Variants in LMNTD2 observed in about 807,000 individuals in gnomAD.
LMNTD2 encodes the protein lamin tail domain containing 2, also known as lamin tail domain-containing protein 2.
A neutral mutation model predicts 70.1 loss-of-function variants in LMNTD2; 83 were observed. The observed-to-expected ratio is 1.18, with a 90% confidence interval of 0.99 to 1.42. The LOEUF is 1.42. LMNTD2 is among the 40% of genes most tolerant of loss of function. LMNTD2 has a pLI of 0.00. For missense variants in LMNTD2, 1,153 were observed against 905.9 expected, an observed-to-expected ratio of 1.27 and a Z score of -3.50; for synonymous variants, 534 against 406.1, an observed-to-expected ratio of 1.31 and a Z score of -3.79.
rs773290029 is a variant in LMNTD2 at position 555,410 on chromosome 11, C to T, written c.1668G>A (p.Pro556=). Residue 556 remains proline (P), a synonymous_variant, in exon 13 of 14, where the codon CCG becomes CCA. Coordinates refer to ENST00000329451, the MANE Select transcript of LMNTD2 (RefSeq NM_173573.3). The part of the protein sequence containing the change: ...ARPENPEIPA[P]QHLPAIPGDP... ...CACCCGGGATGGCGGGCAGGTGCTG[C>T]GGCGCGGGGATCTCGGGGTTCTCGG... 1.4e-6 allele frequency: 2 copies of T among 1,393,264 alleles called. No individual in the cohort carries two copies. Among genetic ancestry groups the T allele is most frequent in the African/African-American group, 1.5e-5 (1 of 65,962 alleles). 86.3% of individuals were successfully genotyped at this position (1,393,264 alleles called of 1,614,324 possible). A position where few individuals can be genotyped will look rare whatever the true frequency, so the allele number is the denominator to read the frequency against.
At position 555,919 on chromosome 11, in the gene LMNTD2, C is replaced by T; in HGVS notation, c.1389G>A (p.Glu463=). ...GAGTCTCGCGGCGTGGGATCCGGTG[C>T]TCACTGAGGACCTGCGGGGCGCGTC... ...LLSPKGEVLS[E]HRIPRRETPA... The change falls in exon 12 of 14, where the codon GAG becomes GAA. Residue 463 remains glutamate (E), a synonymous_variant. Coordinates refer to ENST00000329451, the MANE Select transcript of LMNTD2 (RefSeq NM_173573.3). 1 of 1,564,134 alleles carries T rather than the reference C, an allele frequency of 6.4e-7. No homozygotes were observed. Among genetic ancestry groups the T allele is most frequent in the Non-Finnish European group, 8.6e-7 (1 of 1,161,356 alleles).
chr11:558,988 G>A lies in LMNTD2; in HGVS notation c.35-9C>T, dbSNP rs1853088329. ...ACTGACCGACTCTTGCTCTGTGGGG[G>A]ACAGGAGAGCCTCTTCCTCGGTTTC... On this transcript the variant is annotated splice_polypyrimidine_tract_variant and intron_variant, in intron 1 of 13. Transcript: ENST00000329451. 1 of 1,598,074 alleles carries A rather than the reference G, an allele frequency of 6.3e-7. No homozygotes were observed. The highest frequency in any genetic ancestry group is 1.7e-5 in the Admixed American group (1 of 59,888).
intron 5 of LMNTD2, 77 bp downstream of exon 5, chr11:557,807 C>T (rs1192947205): frequency 1.3e-6 from 2 of 1,512,280 alleles, no homozygotes; most frequent in Non-Finnish European, 1.8e-6. Context: ...CCAGGGCGCC[C>T]CAGCAGAGGC....
chr11:557,831 GGGAGGGCTGGGGAGGGCAGCCTGGGGCA>G (rs1852997343), intron 5 of LMNTD2, 25 bp downstream of exon 5: 1 of 1,513,834 alleles, frequency 6.6e-7, no homozygotes, highest in Non-Finnish European at 8.9e-7. Context: ...CGACGAGATG[GGGAGGGCTGGGGAGGGCAGCCTGGGGCA>G]GGAGGGCTTG....
At chr11:560,386 G>C in intron 1 of LMNTD2, 1 of 1,209,746 alleles carries the variant, frequency 8.3e-7, no homozygotes, top group African/African-American at 1.6e-5. Context: ...TAGAGTCCGG[G>C]CCTTCTGAGC....
rs370623687 is a variant in LMNTD2, at chr11:556,969, G to A, written c.842C>T (p.Ala281Val). The change falls in exon 8 of 14, where the codon GCT becomes GTT. Residue 281 changes from alanine to valine, a missense_variant. Ala to Val is a moderately conservative substitution (Grantham distance 64). Coordinates refer to ENST00000329451, the MANE Select transcript of LMNTD2 (RefSeq NM_173573.3). ...PCLNTSSSGG[A>V]DSDSSSCRPG... ...CCGGCAGCTGCTGGAGTCGGAGTCA[G>A]CGCCCCCTGAGCTGCTGGTGTTCAG... is the stretch of plus-strand genomic sequence containing the variant. 44 of 1,605,826 alleles carry A rather than the reference G, an allele frequency of 2.7e-5. No homozygotes were observed. The highest frequency in any genetic ancestry group is 3.4e-5 in the Non-Finnish European group (40 of 1,178,930).
chr11:560,641 G>T, intron 1 of LMNTD2, 42 bp downstream of exon 1: 2 of 1,360,982 alleles, frequency 1.5e-6, no homozygotes, highest in Non-Finnish European at 1.9e-6. Flanking sequence ...ACACTAGAAG[G>T]CTGCTGAGGA....
At position 556,920 on chromosome 11, in the gene LMNTD2, C is replaced by G. The variant is rs1323032926; in HGVS notation, c.891G>C (p.Gln297His). Residue 297 changes from glutamine to histidine, a missense_variant, in exon 8 of 14, where the codon CAG becomes CAC. By Grantham distance (24) the Gln-to-His change is conservative. Coordinates refer to ENST00000329451, the MANE Select transcript of LMNTD2 (RefSeq NM_173573.3). ...GGTCCCGGGGCGGGTGCCCTATCAC[C>G]TGCACGAAGGAAGGCAGGCCCGGCC... is the stretch of plus-strand genomic sequence containing the variant. The part of the protein sequence containing the change: ...SCRPGLPSFV[Q>H]VIGHPPRDHR... 6.3e-7 allele frequency: 1 copy of G among 1,597,964 alleles called. No homozygotes were observed. Among genetic ancestry groups the G allele is most frequent in the Non-Finnish European group, 8.5e-7 (1 of 1,175,950 alleles).
intron 3 of LMNTD2, 165 bp from the exon 4 acceptor site, chr11:558,413 C>T (rs927837157): frequency 1.9e-6 from 2 of 1,071,018 alleles, no homozygotes; most frequent in African/African-American, 3.2e-5. Context: ...CTGGTCTGGA[C>T]AAGGGTCTAG....
Position 555,051 on chromosome 11 carries a change from C to T in LMNTD2, c.1834G>A (p.Ala612Thr), listed in dbSNP as rs762435140. 4 of 1,593,452 alleles carry T rather than the reference C, an allele frequency of 2.5e-6. No individual in the cohort carries two copies. In the Admixed American group the frequency reaches 5.1e-5, roughly 21 times the overall value. Reference protein sequence around the residue: ...PLVALSVQNTAESRFGFRFLS... With the variant: ...PLVALSVQNTTESRFGFRFLS... ...AAGCGGAAGCCGAATCTGCTCTCCG[C>T]CGTGTTCTGCACCGACAGGGCCACC... is the stretch of plus-strand genomic sequence containing the variant. Residue 612 changes from alanine (A) to threonine (T), a missense_variant, in exon 14 of 14, where the codon GCG becomes ACG. By Grantham distance (58) the Ala-to-Thr change is moderately conservative (BLOSUM62 0). Coordinates refer to ENST00000329451, the MANE Select transcript of LMNTD2 (RefSeq NM_173573.3).
Position 556,566 on chromosome 11 carries a change from G to A in LMNTD2, c.999C>T (p.Pro333=), listed in dbSNP as rs1490271009. The A allele has an allele frequency of 1.9e-6, 3 of 1,548,456 alleles. No individual in the cohort carries two copies. The highest frequency in any genetic ancestry group is 1.2e-5 in the South Asian group (1 of 83,550). The change falls in exon 9 of 14, where the codon CCC becomes CCT. Residue 333 remains proline, a synonymous_variant. Transcript: ENST00000329451. The part of the protein sequence containing the change: ...DSEDLQKTHS[P]RHGEPVLSPQ... ...GCGACAGGACCGGCTCGCCGTGCCTGGGTGAGTGGGTTTTCTGGAGATCTA... is the reference window on the plus strand; with the variant it reads ...GCGACAGGACCGGCTCGCCGTGCCTAGGTGAGTGGGTTTTCTGGAGATCTA...
chr11:555,615 C>T (rs1589826914), intron 12 of LMNTD2, 112 bp from the exon 13 acceptor site: 1 of 1,247,834 alleles, frequency 8.0e-7, no homozygotes, highest in Non-Finnish European at 1.0e-6. Flanking sequence ...GACCAGGGGG[C>T]GGCCGGGGCG....
chr11:557,732 C>T (rs1256107783), intron 5 of LMNTD2, 92 bp from the exon 6 acceptor site: 1 of 1,594,056 alleles, frequency 6.3e-7, no homozygotes, highest in Non-Finnish European at 8.5e-7. Context: ...TTGAGGCCTC[C>T]TGATTCCTCC....
rs181132139 is a variant in LMNTD2 at position 559,688 on chromosome 11, C to G, written c.35-709G>C. 1.0e-4 allele frequency: 120 copies of G among 1,167,882 alleles called. 1 individual carries two copies. The highest frequency in any genetic ancestry group is 6.6e-4 in the Admixed American group (18 of 27,244). 72.3% of individuals were successfully genotyped at this position (1,167,882 alleles called of 1,614,324 possible). A position where few individuals can be genotyped will look rare whatever the true frequency, so the allele number is the denominator to read the frequency against. ...GTGTGTGGGGGAAGCAGACAGGTAACAGTGACAAGCTGGGGACTGTGCTGA... is the reference window on the plus strand; with the variant it reads ...GTGTGTGGGGGAAGCAGACAGGTAAGAGTGACAAGCTGGGGACTGTGCTGA... On this transcript the variant is annotated intron_variant, in intron 1 of 13. Coordinates refer to ENST00000329451, the MANE Select transcript of LMNTD2 (RefSeq NM_173573.3).
At chr11:556,720 A>ACCTT in intron 8 of LMNTD2, 115 bp downstream of exon 8, 1 of 1,424,960 alleles carries the variant, frequency 7.0e-7, no homozygotes, top group Non-Finnish European at 9.2e-7. Context: ...GGGGCAGGAA[A>ACCTT]GGTGGCTGGA....
intron 5 of LMNTD2, 39 bp downstream of exon 5, chr11:557,845 G>A: frequency 6.6e-7 from 1 of 1,526,484 alleles, no homozygotes; most frequent in South Asian, 1.3e-5. Flanking sequence ...GGGCTGGGGA[G>A]GGCAGCCTGG....
chr11:555,476 G>A lies in LMNTD2; in HGVS notation c.1602C>T (p.Ser534=), dbSNP rs745834493. 3 of 1,375,972 alleles carry A rather than the reference G, an allele frequency of 2.2e-6. No individual in the cohort carries two copies. Among genetic ancestry groups the A allele is most frequent in the Non-Finnish European group, 1.9e-6 (2 of 1,071,354 alleles). The allele number at this position is 1,375,972 out of a possible 1,614,324, so 85.2% of individuals were successfully genotyped here. The change falls in exon 13 of 14, where the codon AGC becomes AGT. Residue 534 remains serine, a synonymous_variant. Transcript: ENST00000329451. ...CCCGCGCGTGGAAGAGCTTCCCCGA[G>A]CTCACTGGGGGCAGCAGGCCCCGCG... ...PGTRGLLPPV[S]SGKLFHAREG... is the part of the protein sequence containing the mutation.
At chr11:556,685 G>A (rs1266213998) in intron 8 of LMNTD2, 97 bp from the exon 9 acceptor site, 2 of 1,406,926 alleles carry the variant, frequency 1.4e-6, no homozygotes, top group Non-Finnish European at 1.9e-6. Context: ...GCCTGGCGGG[G>A]CAGGGAGCAG....
chr11:560,546 G>A (rs11827168), intron 1 of LMNTD2, 137 bp downstream of exon 1: 78,323 of 1,280,192 alleles, frequency 0.061, 2,473 homozygotes, highest in Middle Eastern at 0.065. Context: ...GGGAAGCGAG[G>A]GGAGGGGCTG....
Sources: allele counts gnomAD v4.1 joint callset, GRCh38; gene constraint gnomAD v4.1.1; transcripts MANE v1.5; gene names NCBI Gene and HGNC (gene_info 2026-07-23, HGNC 2026-07-21).